The following MYOF variants were observed in gnomAD, a reference collection of about 807,000 sequenced individuals.
The protein encoded by MYOF is fer-1-like 3, myoferlin.
In MYOF, 244 loss-of-function variants were observed where a neutral mutation model predicts 284.2. The observed-to-expected ratio is 0.86, with a 90% confidence interval of 0.77 to 0.95. The LOEUF (loss-of-function observed/expected upper bound fraction) is 0.95. MYOF is among the 40% of genes least tolerant of loss of function. MYOF has a pLI of 0.00. For missense variants in MYOF, 2,496 were observed against 2,560.6 expected (o/e 0.97, Z 0.54); for synonymous variants, 904 against 919.7 (o/e 0.98, Z 0.31).
intron 36 of MYOF, among the ~76,000 whole-genome samples, chr10:93,348,437 G>A (rs982729278): frequency 1.3e-5 from 2 of 152,154 alleles, no homozygotes; most frequent in African/African-American, 4.8e-5. Flanking sequence ...GCTGACCTAG[G>A]GGCCCATTTG....
At chr10:93,307,137 G>T in intron 53 of MYOF, 136 bp from the exon 54 acceptor site, 2 of 754,754 alleles carry the variant, frequency 2.6e-6, no homozygotes, top group South Asian at 2.0e-5. Context: ...CCTGTGCATT[G>T]TAGGATGTTC....
intron 1 of MYOF, among the ~76,000 whole-genome samples, chr10:93,474,536 G>A (rs559141504): frequency 7.9e-5 from 12 of 152,082 alleles, no homozygotes; most frequent in African/African-American, 2.4e-4. Context: ...CTAACTAGTC[G>A]GTCACCTAGG....
chr10:93,334,805 G>T (rs999230790), intron 41 of MYOF, among the ~76,000 whole-genome samples: 5 of 152,168 alleles, frequency 3.3e-5, no homozygotes, highest in Non-Finnish European at 7.3e-5. Context: ...ACTCCCGTCT[G>T]GCACAGCGAT....
intron 53 of MYOF, among the ~76,000 whole-genome samples, chr10:93,308,339 C>G (rs1042983848): frequency 1.3e-5 from 2 of 151,550 alleles, no homozygotes; most frequent in Non-Finnish European, 2.9e-5. Flanking sequence ...AATCCTAGCA[C>G]GTTGGGAGGC....
intron 43 of MYOF, among the ~76,000 whole-genome samples, chr10:93,331,058 T>C (rs374277512): frequency 2.0e-5 from 3 of 152,228 alleles, no homozygotes; most frequent in Admixed American, 6.5e-5. Flanking sequence ...CCTGCAATTA[T>C]AACTTTTAAA....
rs372498089 is a variant in MYOF at position 93,347,701 on chromosome 10, C to T, written c.4165G>A (p.Val1389Ile). 6.8e-6 allele frequency: 11 copies of T among 1,614,012 alleles called. No individual in the cohort carries two copies. The highest frequency in any genetic ancestry group is 5.3e-5 in the African/African-American group (4 of 74,928). Reference sequence around the variant, plus strand: ...AGGCGCTCGATGGTGCACTGGCCGACGACAGGCTTCCGCCCAAACTGCCTG... The same window carrying T: ...AGGCGCTCGATGGTGCACTGGCCGATGACAGGCTTCCGCCCAAACTGCCTG... ...DHRQFGRKPV[V>I]GQCTIERLDR... Residue 1389 changes from valine to isoleucine, a missense_variant, in exon 37 of 54, where the codon GTC (valine) becomes ATC (isoleucine). By Grantham distance (29) the Val-to-Ile change is conservative. Transcript: ENST00000359263.
chr10:93,344,663 A>C (rs1272573844), intron 37 of MYOF, among the ~76,000 whole-genome samples: 1 of 150,084 alleles, frequency 6.7e-6, no homozygotes, highest in Non-Finnish European at 1.5e-5. Context: ...GCAAACCAAC[A>C]TGGCACGTGT....
intron 9 of MYOF, among the ~76,000 whole-genome samples, chr10:93,403,714 G>A (rs1459774385): frequency 6.6e-6 from 1 of 152,202 alleles, no homozygotes; most frequent in Non-Finnish European, 1.5e-5. Context: ...CCCAGTAAGT[G>A]GAGGTAGATG....
intron 50 of MYOF, among the ~76,000 whole-genome samples, chr10:93,313,855 C>T (rs1276635611): frequency 1.3e-5 from 2 of 152,044 alleles, no homozygotes; most frequent in South Asian, 2.1e-4. Flanking sequence ...GAGCAGAGAT[C>T]GCACCATTGT....
chr10:93,394,230 T>C (rs969777028), intron 16 of MYOF, among the ~76,000 whole-genome samples: 1 of 151,698 alleles, frequency 6.6e-6, no homozygotes, highest in African/African-American at 2.4e-5. Flanking sequence ...GCCTCCTGAG[T>C]AACTGGGATT....
In MYOF at chr10:93,378,693, GTATATA is replaced by G. The variant is rs66859494; in HGVS notation, c.2001+1164_2001+1169del. Among the ~76,000 whole-genome samples, 72 of 87,884 alleles carry G rather than the reference GTATATA, an allele frequency of 8.2e-4. 11 individuals are homozygous for G. The highest frequency in any genetic ancestry group is 3.2e-3 in the Admixed American group (25 of 7,822). 57.7% of individuals were successfully genotyped at this position (87,884 alleles called of 152,430 possible). A position where few individuals can be genotyped will look rare whatever the true frequency, so the allele number is the denominator to read the frequency against. On this transcript the variant is annotated intron_variant, in intron 21 of 53. Transcript: ENST00000359263. Reference sequence around the variant, plus strand: ...TATGTGTGTGTGTATGTGTGTGTGTGTATATATATATATATATATATATGTATATAT... The same window carrying G: ...TATGTGTGTGTGTATGTGTGTGTGTGTATATATATATATATATGTATATAT...
intron 41 of MYOF, 126 bp from the exon 42 acceptor site, chr10:93,334,039 T>C: frequency 2.3e-6 from 2 of 853,876 alleles, no homozygotes; most frequent in South Asian, 3.6e-5. Flanking sequence ...GTGAAAGAAA[T>C]AATGTATATT....
chr10:93,457,059 C>T (rs187229464), intron 1 of MYOF, 122 bp from the exon 2 acceptor site: 14 of 681,422 alleles, frequency 2.1e-5, no homozygotes, highest in Admixed American at 8.3e-5. Flanking sequence ...CCCCATTCAT[C>T]GCTTAGGATG....
At chr10:93,425,372 A>T (rs879560403) in intron 5 of MYOF, among the ~76,000 whole-genome samples, 1 of 152,002 alleles carries the variant, frequency 6.6e-6, no homozygotes, top group African/African-American at 2.4e-5. Context: ...TTTTAGCATC[A>T]CGTCATCCTG....
chr10:93,399,757 A>C (rs1017874154), intron 12 of MYOF, among the ~76,000 whole-genome samples: 2 of 152,164 alleles, frequency 1.3e-5, no homozygotes, highest in Admixed American at 6.5e-5. Flanking sequence ...CTGTAATCCC[A>C]GCTACTCGGG....
intron 45 of MYOF, among the ~76,000 whole-genome samples, chr10:93,327,363 A>G (rs1445379384): frequency 6.6e-6 from 1 of 152,118 alleles, no homozygotes; most frequent in Non-Finnish European, 1.5e-5. Flanking sequence ...TGGACTGCCA[A>G]TAGCAAAGGG....
chr10:93,319,490 A>G (rs1261015892), intron 49 of MYOF, among the ~76,000 whole-genome samples: 1 of 152,162 alleles, frequency 6.6e-6, no homozygotes, highest in African/African-American at 2.4e-5. Context: ...TTGATAAGGA[A>G]GGATACCCAC....
intron 3 of MYOF, among the ~76,000 whole-genome samples, chr10:93,445,389 C>T (rs1180739611): frequency 1.3e-5 from 2 of 152,338 alleles, no homozygotes; most frequent in East Asian, 3.9e-4. Context: ...GCTAAGTCCT[C>T]ACAAAGCTAT....
At chr10:93,396,374 T>C in intron 15 of MYOF, 150 bp from the exon 16 acceptor site, 1 of 540,060 alleles carries the variant, frequency 1.9e-6, no homozygotes, top group Non-Finnish European at 3.2e-6. Flanking sequence ...GGCCTCAAAC[T>C]TTATTGTACT....
Sources: gnomAD v4.1 joint callset for allele counts (sites outside exome capture counted in the v4.1 genomes callset) on GRCh38, gnomAD v4.1.1 for gene constraint, MANE v1.5 for transcripts, NCBI Gene and HGNC (gene_info 2026-07-23, HGNC 2026-07-21) for gene names.